The following MRPL54 variants were observed in gnomAD, a reference collection of about 807,000 sequenced individuals.
MRPL54 encodes large ribosomal subunit protein mL54.
A neutral mutation model predicts 15.6 loss-of-function variants in MRPL54; 12 were observed. The ratio of observed to expected loss-of-function variants is 0.77; its 90% CI spans 0.49 to 1.24. The LOEUF (loss-of-function observed/expected upper bound fraction) is 1.24, where lower values mean the gene tolerates loss of function less well. Ranked by LOEUF, MRPL54 falls within the 50% of genes most tolerant of loss-of-function variation. MRPL54 has a pLI of 0.00. For synonymous variants in MRPL54, 91 were observed against 75.7 expected (o/e 1.20, Z -1.05); for missense variants, 178 against 186.8 (o/e 0.95, Z 0.28).
intron 2 of MRPL54, 144 bp from the exon 3 acceptor site, chr19:3,767,117 T>G: frequency 9.5e-7 from 1 of 1,053,104 alleles, no homozygotes; most frequent in Non-Finnish European, 1.3e-6. Flanking sequence ...CAGCCCAGGG[T>G]CGGGGAGGGA....
rs778721899 is a variant in MRPL54, at chr19:3,767,406, G to A, written c.*13G>A. On this transcript the variant is annotated 3_prime_UTR_variant, in exon 3 of 3. Coordinates refer to ENST00000330133, the MANE Select transcript of MRPL54 (RefSeq NM_172251.3). ...CAAGAGGTTGTAGCATGGAGGGCCC[G>A]GCATCGCTGACCCCCACGCCGAGGG... 20 of 1,607,198 alleles carry A rather than the reference G, an allele frequency of 1.2e-5. No individual in the cohort carries two copies. Among genetic ancestry groups the A allele is most frequent in the African/African-American group, 5.4e-5 (4 of 74,420 alleles).
chr19:3,765,965 G>A (rs1255890111), intron 2 of MRPL54, among the ~76,000 whole-genome samples: 4 of 151,284 alleles, frequency 2.6e-5, no homozygotes, highest in African/African-American at 9.7e-5. Context: ...AGTGTGGAAT[G>A]CAGTCATGTG....
intron 2 of MRPL54, 122 bp from the exon 3 acceptor site, chr19:3,767,139 T>C (rs2037204912): frequency 7.6e-7 from 1 of 1,309,396 alleles, no homozygotes; most frequent in South Asian, 1.5e-5. Context: ...CACCCTGAGA[T>C]CATGCAGCCA....
rs1479872786 is a variant in MRPL54, at chr19:3,765,350, G to A, written c.284+19G>A. On this transcript the variant is annotated intron_variant, in intron 2 of 2. Transcript: ENST00000330133. The stretch of plus-strand genomic sequence containing the variant: ...CTGAATGGTGAGTAGGCCAGGCTGT[G>A]TCATCCTGCAATGACTATTCCTTCC... 1.2e-6 allele frequency: 2 copies of A among 1,611,792 alleles called. No individual in the cohort carries two copies. The highest frequency in any genetic ancestry group is 8.5e-7 in the Non-Finnish European group (1 of 1,179,084).
At chr19:3,763,463 G>C (rs1305742166) in intron 1 of MRPL54, among the ~76,000 whole-genome samples, 1 of 152,096 alleles carries the variant, frequency 6.6e-6, no homozygotes, top group Non-Finnish European at 1.5e-5. Flanking sequence ...ACTTAATGCT[G>C]TGTCCAAATC....
chr19:3,764,729 T>TA (rs1555744651), intron 1 of MRPL54, among the ~76,000 whole-genome samples: 1 of 149,324 alleles, frequency 6.7e-6, no homozygotes, highest in Non-Finnish European at 1.5e-5. Context: ...ACCCTGTCTT[T>TA]AAAAAAAAGT....
chr19:3,764,326 G>A (rs920742174), intron 1 of MRPL54, among the ~76,000 whole-genome samples: 14 of 152,008 alleles, frequency 9.2e-5, no homozygotes, highest in South Asian at 4.1e-4. Context: ...CTCGTGATCC[G>A]CCCACCTTGG....
At position 3,767,559 on chromosome 19, in the gene MRPL54, G is replaced by T; in HGVS notation, c.*166G>T. On this transcript the variant is annotated 3_prime_UTR_variant, in exon 3 of 3. Coordinates refer to ENST00000330133, the MANE Select transcript of MRPL54 (RefSeq NM_172251.3). ...AGGCCAATAAAGAGCTTTCTGGGTA[G>T]ACCCTATTTCCCCTTGGTATTGTCT... 1.1e-6 allele frequency: 1 copy of T among 929,782 alleles called. No homozygotes were observed. Among genetic ancestry groups the T allele is most frequent in the Non-Finnish European group, 1.6e-6 (1 of 640,808 alleles). 57.6% of individuals were successfully genotyped at this position (929,782 alleles called of 1,614,324 possible).
At chr19:3,765,668 C>A (rs923373738) in intron 2 of MRPL54, among the ~76,000 whole-genome samples, 3 of 152,186 alleles carry the variant, frequency 2.0e-5, no homozygotes, top group Middle Eastern at 6.8e-3. Context: ...GGAGGCAAGG[C>A]GTTTGGATCA....
chr19:3,762,871 G>C (rs1050157906), intron 1 of MRPL54, 53 bp downstream of exon 1: 4 of 1,366,484 alleles, frequency 2.9e-6, no homozygotes, highest in South Asian at 1.4e-5. Flanking sequence ...CTGAGGAATT[G>C]ACAGTGCGCA....
rs1047962 is a variant in MRPL54, at chr19:3,767,362, A to G, written c.386A>G (p.His129Arg). 5.0e-6 allele frequency: 8 copies of G among 1,610,544 alleles called. No individual in the cohort carries two copies. Reference protein sequence around the residue: ...RRLRKQNIWRHNRLSKNKRL With the variant: ...RRLRKQNIWRRNRLSKNKRL Reference sequence around the variant, plus strand: ...CTGCGGAAACAGAACATCTGGCGCCACAACCGGCTGAGCAAGAACAAGAGG... The same window carrying G: ...CTGCGGAAACAGAACATCTGGCGCCGCAACCGGCTGAGCAAGAACAAGAGG... The change falls in exon 3 of 3, where the codon CAC becomes CGC. Residue 129 changes from histidine to arginine, a missense_variant. Transcript: ENST00000330133.
intron 1 of MRPL54, 84 bp downstream of exon 1, chr19:3,762,902 T>G (rs933485343): frequency 7.0e-6 from 8 of 1,139,000 alleles, no homozygotes; most frequent in Admixed American, 2.7e-5. Context: ...GGGGAGGTGG[T>G]GCTAGAACTG....
At chr19:3,764,964 C>G (rs540670229) in intron 1 of MRPL54, among the ~76,000 whole-genome samples, 10 of 151,072 alleles carry the variant, frequency 6.6e-5, no homozygotes, top group East Asian at 6.0e-4. Context: ...GGAGGCGGAG[C>G]TTGCAGTGAG....
chr19:3,763,651 C>T (rs1364191578), intron 1 of MRPL54, among the ~76,000 whole-genome samples: 1 of 151,190 alleles, frequency 6.6e-6, no homozygotes, highest in African/African-American at 2.4e-5. Flanking sequence ...CGGTAGCTCA[C>T]GCCTGTAATC....
At chr19:3,766,314 C>T (rs1342491279) in intron 2 of MRPL54, among the ~76,000 whole-genome samples, 1 of 151,944 alleles carries the variant, frequency 6.6e-6, no homozygotes, top group East Asian at 1.9e-4. Context: ...CTGATAACCT[C>T]GTGATCCGCC....
intron 2 of MRPL54, among the ~76,000 whole-genome samples, chr19:3,766,038 A>G (rs537096894): frequency 5.8e-4 from 88 of 150,496 alleles, no homozygotes; most frequent in Non-Finnish European, 1.0e-3. Flanking sequence ...CAGCCTTCAG[A>G]GTAGCTGGGA....
Position 3,765,225 on chromosome 19 carries a change from G to A in MRPL54, c.178G>A (p.Asp60Asn), listed in dbSNP as rs1187501090. The stretch of plus-strand genomic sequence containing the variant: ...GACCAGCGAGGCCCTCAAGGACCCC[G>A]ACGTATGCACAGATCCTGTCCAGCT... Reference protein sequence around the residue: ...AVTSEALKDPDVCTDPVQLTT... With the variant: ...AVTSEALKDPNVCTDPVQLTT... Residue 60 changes from aspartate (D) to asparagine (N), a missense_variant, in exon 2 of 3, where the codon GAC becomes AAC. Physicochemically the swap from Asp to Asn is conservative, Grantham distance 23. Transcript: ENST00000330133. 4.3e-6 allele frequency: 7 copies of A among 1,613,824 alleles called. No homozygotes were observed. Among genetic ancestry groups the A allele is most frequent in the Non-Finnish European group, 4.2e-6 (5 of 1,179,932 alleles).
Position 3,765,268 on chromosome 19 carries a change from G to T in MRPL54, c.221G>T (p.Gly74Val). The stretch of plus-strand genomic sequence containing the variant: ...GTCCAGCTCACCACATATGCCATGG[G>T]CGTCAACATCTACAAGGAAGGGCAG... ...DPVQLTTYAMGVNIYKEGQDV... is the reference protein window; with the variant it reads ...DPVQLTTYAMVVNIYKEGQDV... The change falls in exon 2 of 3, where the codon GGC (glycine) becomes GTC (valine). Residue 74 changes from glycine to valine, a missense_variant. Transcript: ENST00000330133. 1 of 1,614,060 alleles carries T rather than the reference G, an allele frequency of 6.2e-7. No individual in the cohort carries two copies. Among genetic ancestry groups the T allele is most frequent in the Non-Finnish European group, 8.5e-7 (1 of 1,179,972 alleles).
intron 2 of MRPL54, among the ~76,000 whole-genome samples, chr19:3,765,920 T>C (rs1291249258): frequency 6.6e-6 from 1 of 151,596 alleles, no homozygotes; most frequent in Non-Finnish European, 1.5e-5. Context: ...AAAAATTTTT[T>C]TTTTTCTTCT....
Sources: allele counts gnomAD v4.1 joint callset (sites outside exome capture counted in the v4.1 genomes callset), GRCh38; gene constraint gnomAD v4.1.1; transcripts MANE v1.5; gene names NCBI Gene and HGNC (gene_info 2026-07-23, HGNC 2026-07-21).